DHX40: variants seen among roughly 807,000 people sequenced by gnomAD.
The protein encoded by DHX40 is DEAH-box helicase 40, also known as probable ATP-dependent RNA helicase DHX40.
A neutral mutation model predicts 89.6 loss-of-function variants in DHX40; 28 were observed. The ratio of observed to expected loss-of-function variants is 0.31; its 90% CI spans 0.23 to 0.43. The LOEUF is 0.43. DHX40 is among the 20% of genes least tolerant of loss of function. DHX40 has a pLI of 1.00. For synonymous variants in DHX40, 226 were observed against 283.6 expected (o/e 0.80, Z 2.04); for missense variants, 457 against 844.0 (o/e 0.54, Z 5.68).
At chr17:59,597,708 G>A (rs903675388) in intron 12 of DHX40, among the ~76,000 whole-genome samples, 19 of 150,312 alleles carry the variant, frequency 1.3e-4, no homozygotes, top group East Asian at 2.1e-4. Flanking sequence ...AGGCCGAGAC[G>A]GGCAGATCAC....
Position 59,573,743 on chromosome 17 carries a change from A to G in DHX40, c.550A>G (p.Ile184Val). 1.9e-6 allele frequency: 3 copies of G among 1,613,928 alleles called. No individual in the cohort carries two copies. Among genetic ancestry groups the G allele is most frequent in the Non-Finnish European group, 2.5e-6 (3 of 1,179,938 alleles). ...EAHERTLTTD[I>V]LFGLLKKLFQ... is the part of the protein sequence containing the mutation. Reference sequence around the variant, plus strand: ...TAGAAATTTACTTTTCTTTCAGGATATCTTATTTGGTTTATTGAAGAAGCT... The same window carrying G: ...TAGAAATTTACTTTTCTTTCAGGATGTCTTATTTGGTTTATTGAAGAAGCT... Residue 184 changes from isoleucine (I) to valine (V), a missense_variant, in exon 5 of 18, where the codon ATC (isoleucine) becomes GTC (valine). Ile to Val is a conservative substitution (Grantham distance 29). Coordinates refer to ENST00000251241, the MANE Select transcript of DHX40 (RefSeq NM_024612.5).
chr17:59,601,933 C>G (rs2030552481), intron 14 of DHX40, among the ~76,000 whole-genome samples: 3 of 152,216 alleles, frequency 2.0e-5, no homozygotes, highest in Admixed American at 1.3e-4. Context: ...GTGTAGTATT[C>G]TCATGTGGCT....
rs1391735591 is a variant in DHX40, at chr17:59,588,642, C to T, written c.1582+589C>T. Among the ~76,000 whole-genome samples, 3 of 151,862 alleles carry T rather than the reference C, an allele frequency of 2.0e-5. No homozygotes were observed. In the East Asian group the frequency reaches 5.8e-4, roughly 29 times the overall value. ...CCAGCACGCCCAGCCGGGTTGTTTT[C>T]TTATTGTTAAGAGGTCTTTGCATAT... On this transcript the variant is annotated intron_variant, in intron 12 of 17. Coordinates refer to ENST00000251241, the MANE Select transcript of DHX40 (RefSeq NM_024612.5).
At chr17:59,575,592 C>A in intron 7 of DHX40, 121 bp downstream of exon 7, 1 of 732,362 alleles carries the variant, frequency 1.4e-6, no homozygotes. Flanking sequence ...CCAGTCTCAC[C>A]TTTGTAACCC....
At chr17:59,572,218 ATGGC>A (rs2143218201) in intron 3 of DHX40, among the ~76,000 whole-genome samples, 1 of 152,328 alleles carries the variant, frequency 6.6e-6, no homozygotes, top group East Asian at 1.9e-4. Context: ...CCTAATGGGA[ATGGC>A]CATCAAATGT....
Position 59,608,191 on chromosome 17 carries a change from G to A in DHX40, c.*1019G>A, listed in dbSNP as rs532172649. On this transcript the variant is annotated 3_prime_UTR_variant, in exon 18 of 18. Transcript: ENST00000251241. Reference sequence around the variant, plus strand: ...ACTGCCTTGTATTCTAGTTATTTGTGTATTTGTCTCCCTCACTAGATTATA... The same window carrying A: ...ACTGCCTTGTATTCTAGTTATTTGTATATTTGTCTCCCTCACTAGATTATA... 1.9e-5 allele frequency: 3 copies of A among 154,236 alleles called. No individual in the cohort carries two copies. The highest frequency in any genetic ancestry group is 7.2e-5 in the African/African-American group (3 of 41,604). The allele number at this position is 154,236 out of a possible 1,614,324, so 9.6% of individuals were successfully genotyped here.
intron 2 of DHX40, 59 bp from the exon 3 acceptor site, chr17:59,570,459 G>A: frequency 1.3e-6 from 2 of 1,505,256 alleles, no homozygotes; most frequent in Non-Finnish European, 8.9e-7. Context: ...AAACAATTTA[G>A]CTCTAATAGG....
At chr17:59,606,184 A>G (rs1330982552) in intron 17 of DHX40, among the ~76,000 whole-genome samples, 1 of 151,814 alleles carries the variant, frequency 6.6e-6, no homozygotes, top group Non-Finnish European at 1.5e-5. Flanking sequence ...TAGCTGGATT[A>G]CAGGCATGCA....
intron 12 of DHX40, among the ~76,000 whole-genome samples, chr17:59,588,903 G>A (rs552005956): frequency 2.0e-5 from 3 of 152,126 alleles, no homozygotes; most frequent in Non-Finnish European, 4.4e-5. Flanking sequence ...GTATTTGGAC[G>A]TACAGTTGTT....
intron 15 of DHX40, 64 bp downstream of exon 15, chr17:59,602,680 C>A: frequency 3.9e-6 from 5 of 1,288,826 alleles, no homozygotes; most frequent in Non-Finnish European, 4.4e-6. Context: ...TAATATTGGA[C>A]TATTTAATAT....
At chr17:59,588,579 G>A (rs1213062600) in intron 12 of DHX40, among the ~76,000 whole-genome samples, 4 of 152,110 alleles carry the variant, frequency 2.6e-5, no homozygotes, top group African/African-American at 7.2e-5. Context: ...TCATCTGCCC[G>A]CCTTGGCCTC....
intron 11 of DHX40, 62 bp downstream of exon 11, chr17:59,586,295 C>G: frequency 3.3e-6 from 4 of 1,223,540 alleles, no homozygotes; most frequent in Non-Finnish European, 4.6e-6. Context: ...AAACAGGGCT[C>G]TAAATACCTT....
intron 11 of DHX40, among the ~76,000 whole-genome samples, chr17:59,587,568 C>T (rs28704481): frequency 0.057 from 8,662 of 151,070 alleles, 690 homozygotes; most frequent in African/African-American, 0.18. Context: ...AGTGATTCTC[C>T]TGCCTCAGCC....
chr17:59,568,659 C>G (rs2048742754), intron 2 of DHX40, among the ~76,000 whole-genome samples: 1 of 151,988 alleles, frequency 6.6e-6, no homozygotes, highest in Non-Finnish European at 1.5e-5. Context: ...TGTGGTCTCT[C>G]TCTGTCTCTC....
rs1250451565 is a variant in DHX40 at position 59,577,275 on chromosome 17, G to A, written c.983G>A (p.Arg328Lys). ...CYGSMTTDQQ[R>K]RIFLPPPPGI... ...TTTATATATACTTCAGATCAACAGA[G>A]GAGGATATTTTTGCCACCACCACCT... The change falls in exon 8 of 18, where the codon AGG becomes AAG. Residue 328 changes from arginine (R) to lysine (K), a missense_variant. Arg to Lys is a conservative substitution (Grantham distance 26). This residue lies in a region of DHX40 where 116 missense variants were observed against 188.9 expected (regional missense o/e 0.61). Coordinates refer to ENST00000251241, the MANE Select transcript of DHX40 (RefSeq NM_024612.5). 1.2e-6 allele frequency: 2 copies of A among 1,613,060 alleles called. No homozygotes were observed. Among genetic ancestry groups the A allele is most frequent in the African/African-American group, 1.3e-5 (1 of 74,906 alleles).
chr17:59,607,102 G>A lies in DHX40; in HGVS notation c.2270G>A (p.Arg757Gln), dbSNP rs766704902. Reference protein sequence around the residue: ...RNDDKSISDARARFLERKQQR... With the variant: ...RNDDKSISDAQARFLERKQQR... ...GATGACAAATCCATATCTGATGCACGGGCTCGTTTCCTTGAGAGAAAGCAG... is the reference window on the plus strand; with the variant it reads ...GATGACAAATCCATATCTGATGCACAGGCTCGTTTCCTTGAGAGAAAGCAG... Residue 757 changes from arginine to glutamine, a missense_variant, in exon 18 of 18, where the codon CGG (arginine) becomes CAG (glutamine). By Grantham distance (43) the Arg-to-Gln change is conservative (BLOSUM62 1). Around this residue, in one of 9 missense-constraint regions of DHX40, gnomAD observed 120 missense variants for 161.7 expected, o/e 0.74. Transcript: ENST00000251241. 10 of 1,613,986 alleles carry A rather than the reference G, an allele frequency of 6.2e-6. No individual in the cohort carries two copies. Among genetic ancestry groups the A allele is most frequent in the Admixed American group, 3.3e-5 (2 of 59,992 alleles).
chr17:59,571,849 G>C (rs1285741810), intron 3 of DHX40, among the ~76,000 whole-genome samples: 3 of 152,014 alleles, frequency 2.0e-5, no homozygotes, highest in Non-Finnish European at 2.9e-5. Flanking sequence ...GGGATTACAG[G>C]GTAAACCACC....
intron 15 of DHX40, chr17:59,604,848 G>T (rs2030747673): frequency 2.9e-6 from 1 of 341,608 alleles, no homozygotes; most frequent in African/African-American, 2.1e-5. Flanking sequence ...GGCTCTCAAA[G>T]CTCATAGATT....
chr17:59,586,455 G>T (rs1305991843), intron 11 of DHX40, among the ~76,000 whole-genome samples: 3 of 151,744 alleles, frequency 2.0e-5, no homozygotes, highest in African/African-American at 4.8e-5. Context: ...GAGGTCAGGA[G>T]ATCGAGACCA....
Sources: gnomAD v4.1 joint callset for allele counts (sites outside exome capture counted in the v4.1 genomes callset) on GRCh38, gnomAD v4.1.1 for gene constraint, gnomAD v4.1.1 regional missense constraint, MANE v1.5 for transcripts, NCBI Gene and HGNC (gene_info 2026-07-23, HGNC 2026-07-21) for gene names.